The following MTMR12 variants were observed in gnomAD, a reference collection of about 807,000 sequenced individuals.
The protein encoded by MTMR12 is myotubularin related protein 12, also known as myotubularin-related protein 12.
Under a neutral mutation model 96.7 loss-of-function variants are expected in MTMR12, and 33 were observed. The observed-to-expected ratio is 0.34, with a 90% CI of 0.26 to 0.46. MTMR12 has a LOEUF of 0.46. Among genes scored for constraint, MTMR12 ranks in the 20% least tolerant of loss-of-function variants. The pLI is 1.00. For missense variants in MTMR12, 721 were observed against 896.1 expected, an observed-to-expected ratio of 0.80 and a Z score of 2.49; for synonymous variants, 298 against 327.2, an observed-to-expected ratio of 0.91 and a Z score of 0.96.
intron 7 of MTMR12, among the ~76,000 whole-genome samples, chr5:32,257,359 G>T (rs1749181322): frequency 6.6e-6 from 1 of 152,124 alleles, no homozygotes; most frequent in Admixed American, 6.6e-5. Context: ...TGAAGCAGGT[G>T]GGGGTATAGA....
At chr5:32,307,782 C>A (rs1268896785) in intron 1 of MTMR12, among the ~76,000 whole-genome samples, 1 of 152,190 alleles carries the variant, frequency 6.6e-6, no homozygotes, top group African/African-American at 2.4e-5. Context: ...AAAGCATAAT[C>A]TTAAAATACT....
intron 7 of MTMR12, among the ~76,000 whole-genome samples, chr5:32,259,067 C>T (rs1299387720): frequency 6.6e-6 from 1 of 152,130 alleles, no homozygotes; most frequent in Admixed American, 6.5e-5. Flanking sequence ...CCATGGAGTC[C>T]CCACTGTGAC....
intron 8 of MTMR12, among the ~76,000 whole-genome samples, chr5:32,254,825 C>T (rs1281283235): frequency 3.3e-5 from 5 of 152,002 alleles, no homozygotes; most frequent in Admixed American, 2.6e-4. Flanking sequence ...GCCTGGGCAA[C>T]AAGAGCAAAA....
intron 1 of MTMR12, among the ~76,000 whole-genome samples, chr5:32,300,985 G>T (rs1751118098): frequency 6.6e-6 from 1 of 152,182 alleles, no homozygotes. Context: ...TGAGGCAGGA[G>T]AATCGCTTGA....
chr5:32,286,034 C>T (rs1168275009), intron 1 of MTMR12, among the ~76,000 whole-genome samples: 7 of 152,182 alleles, frequency 4.6e-5, no homozygotes, highest in Admixed American at 3.9e-4. Flanking sequence ...AAGTACCAAA[C>T]GCTAAGGATA....
intron 8 of MTMR12, among the ~76,000 whole-genome samples, chr5:32,250,972 G>A (rs1748895058): frequency 6.6e-6 from 1 of 151,964 alleles, no homozygotes; most frequent in Non-Finnish European, 1.5e-5. Flanking sequence ...TGACTTCATA[G>A]GCAAGAATCA....
At chr5:32,246,432 A>G (rs1748692430) in intron 10 of MTMR12, among the ~76,000 whole-genome samples, 1 of 152,142 alleles carries the variant, frequency 6.6e-6, no homozygotes. Flanking sequence ...AAAGTGCTGG[A>G]TTACAGGCAT....
At chr5:32,310,849 T>C (rs1291043498) in intron 1 of MTMR12, among the ~76,000 whole-genome samples, 3 of 152,222 alleles carry the variant, frequency 2.0e-5, no homozygotes, top group South Asian at 2.1e-4. Context: ...CATTCATGCA[T>C]TGTATGCCTG....
In MTMR12 at chr5:32,271,813, A is replaced by AG; in HGVS notation, c.358+19dup. 1 of 1,485,654 alleles carries AG rather than the reference A, an allele frequency of 6.7e-7. No individual in the cohort carries two copies. The highest frequency in any genetic ancestry group is 9.2e-7 in the Non-Finnish European group (1 of 1,092,196). The allele number at this position is 1,485,654 out of a possible 1,614,324, so 92.0% of individuals were successfully genotyped here. A position where few individuals can be genotyped will look rare whatever the true frequency, so the allele number is the denominator to read the frequency against. ...TACTCTCAAAGGTTGCCAACACCCC[A>AG]GGGAAAAACAGATACTTACCTCCAT... On this transcript the variant is annotated intron_variant, in intron 4 of 15. Coordinates refer to ENST00000382142, the MANE Select transcript of MTMR12 (RefSeq NM_001040446.3).
In MTMR12 at chr5:32,312,726, C is replaced by A. The variant is rs539463471; in HGVS notation, c.81+32G>T. 4.1e-6 allele frequency: 6 copies of A among 1,478,054 alleles called. No homozygotes were observed. In the East Asian group the frequency reaches 1.7e-4, roughly 42 times the overall value. 91.6% of individuals were successfully genotyped at this position (1,478,054 alleles called of 1,614,324 possible). ...GCGCCCCTCGCCCCGGCCGCCCCTG[C>A]CCGACGCCCCGCCTGCGCGGCGCCC... On this transcript the variant is annotated intron_variant, in intron 1 of 15. Coordinates refer to ENST00000382142, the MANE Select transcript of MTMR12 (RefSeq NM_001040446.3). The surrounding 1 kb of genome is among the most constrained non-coding windows in gnomAD (Gnocchi z 5.0).
intron 1 of MTMR12, among the ~76,000 whole-genome samples, chr5:32,282,153 C>T (rs1352619401): frequency 2.6e-5 from 4 of 152,060 alleles, no homozygotes; most frequent in Admixed American, 1.3e-4. Flanking sequence ...GAGGGCGAGG[C>T]GGACGGATCA....
intron 1 of MTMR12, 95 bp from the exon 2 acceptor site, chr5:32,276,837 A>C: frequency 1.2e-6 from 1 of 843,088 alleles, no homozygotes; most frequent in South Asian, 1.6e-5. Flanking sequence ...AAAATATCAC[A>C]TACCCTCAGG....
At chr5:32,304,915 C>T (rs184981275) in intron 1 of MTMR12, among the ~76,000 whole-genome samples, 1 of 152,296 alleles carries the variant, frequency 6.6e-6, no homozygotes. Context: ...TTGGACAGAT[C>T]ATCGGGCTAA....
intron 1 of MTMR12, among the ~76,000 whole-genome samples, chr5:32,293,234 G>A (rs1017032485): frequency 1.3e-5 from 2 of 152,238 alleles, no homozygotes; most frequent in African/African-American, 2.4e-5. Flanking sequence ...GATCCTGGGT[G>A]TGGTTGTGAG....
intron 1 of MTMR12, among the ~76,000 whole-genome samples, chr5:32,309,191 G>A (rs868256816): frequency 3.3e-5 from 5 of 152,322 alleles, no homozygotes; most frequent in Middle Eastern, 3.4e-3. Context: ...CTTGGTGGAC[G>A]AAGAATTTGA....
At chr5:32,231,302 C>G (rs1204599738) in intron 15 of MTMR12, among the ~76,000 whole-genome samples, 3 of 150,224 alleles carry the variant, frequency 2.0e-5, no homozygotes, top group Non-Finnish European at 4.4e-5. Context: ...TTGCTTGAAC[C>G]CAGGAGGCAG....
At chr5:32,246,170 G>GGTTTTTTTTTTTGTT (rs1554056246) in intron 10 of MTMR12, among the ~76,000 whole-genome samples, 1,838 of 82,774 alleles carry the variant, frequency 0.022, 26 homozygotes, top group Non-Finnish European at 0.037. Context: ...TGAGTAGACA[G>GGTTTTTTTTTTTGTT]TTTTTTTTTT....
At chr5:32,237,675 T>C (rs1335033806) in intron 13 of MTMR12, among the ~76,000 whole-genome samples, 3 of 152,066 alleles carry the variant, frequency 2.0e-5, no homozygotes, top group Admixed American at 1.3e-4. Context: ...CACACCCGGC[T>C]AATTTTTTGT....
At chr5:32,311,111 C>T (rs577214619) in intron 1 of MTMR12, among the ~76,000 whole-genome samples, 2 of 152,204 alleles carry the variant, frequency 1.3e-5, no homozygotes, top group East Asian at 1.9e-4. Context: ...CCACCTCAGC[C>T]GGCCCAAAGT....
Sources: allele counts gnomAD v4.1 joint callset (sites outside exome capture counted in the v4.1 genomes callset), GRCh38; gene constraint gnomAD v4.1.1; non-coding constraint Gnocchi (gnomAD v3.1); transcripts MANE v1.5; gene names NCBI Gene and HGNC (gene_info 2026-07-23, HGNC 2026-07-21).